The following FBXL20 variants were observed in gnomAD, a reference collection of about 807,000 sequenced individuals.
The protein encoded by FBXL20 is F-box and leucine rich repeat protein 20.
Under a neutral mutation model 64.0 loss-of-function variants are expected in FBXL20, and 11 were observed. The observed-to-expected ratio is 0.17, with a 90% confidence interval of 0.11 to 0.28. The LOEUF (loss-of-function observed/expected upper bound fraction) is 0.28. FBXL20 is among the 10% of genes least tolerant of loss of function. The pLI is 1.00. For missense variants in FBXL20, 303 were observed against 526.2 expected (o/e 0.58, Z 4.15); for synonymous variants, 184 against 189.0 (o/e 0.97, Z 0.22).
chr17:39,285,221 A>G (rs775266860), intron 7 of FBXL20, among the ~76,000 whole-genome samples: 2 of 152,138 alleles, frequency 1.3e-5, no homozygotes, highest in African/African-American at 2.4e-5. Context: ...CTTTTTGAAA[A>G]TAAGACTTCA....
intron 7 of FBXL20, among the ~76,000 whole-genome samples, chr17:39,284,523 G>T (rs1597774404): frequency 6.6e-6 from 1 of 152,132 alleles, no homozygotes; most frequent in Non-Finnish European, 1.5e-5. Context: ...TGGGACTACA[G>T]GGGTATGCCA....
intron 2 of FBXL20, among the ~76,000 whole-genome samples, chr17:39,337,588 C>T (rs2047537280): frequency 6.6e-6 from 1 of 151,844 alleles, no homozygotes; most frequent in South Asian, 2.1e-4. Context: ...AGCGCCTCTG[C>T]CCGGCCGCGA....
chr17:39,342,288 G>A (rs760662910), intron 2 of FBXL20, among the ~76,000 whole-genome samples: 10 of 151,988 alleles, frequency 6.6e-5, no homozygotes, highest in Non-Finnish European at 1.0e-4. Context: ...ACTGTAGGCC[G>A]GGTACAGTGG....
intron 1 of FBXL20, among the ~76,000 whole-genome samples, chr17:39,391,692 A>G (rs1459381439): frequency 6.6e-6 from 1 of 152,218 alleles, no homozygotes; most frequent in African/African-American, 2.4e-5. Context: ...TAACATCAAA[A>G]GATATAGATG....
chr17:39,350,302 C>T (rs996541055), intron 1 of FBXL20, among the ~76,000 whole-genome samples: 1 of 152,004 alleles, frequency 6.6e-6, no homozygotes, highest in Non-Finnish European at 1.5e-5. Context: ...ACCAGCTGAC[C>T]AACATGGAGA....
intron 2 of FBXL20, among the ~76,000 whole-genome samples, chr17:39,332,820 C>A (rs538401182): frequency 6.6e-6 from 1 of 152,216 alleles, no homozygotes; most frequent in African/African-American, 2.4e-5. Flanking sequence ...GGATTCCAGG[C>A]ATGAGCCACC....
In FBXL20 at chr17:39,258,934, T is replaced by C. The variant is rs2046720107; in HGVS notation, c.*2526A>G. The C allele has an allele frequency of 1.3e-5, 2 of 152,138 alleles. No homozygotes were observed. The highest frequency in any genetic ancestry group is 2.9e-5 in the Non-Finnish European group (2 of 68,032). 9.4% of individuals were successfully genotyped at this position (152,138 alleles called of 1,614,324 possible). Reference sequence around the variant, plus strand: ...ACTGAGTTTCATGTTAAAAACTATATTCCTTATAAGGTAATCTGAAAGAGA... The same window carrying C: ...ACTGAGTTTCATGTTAAAAACTATACTCCTTATAAGGTAATCTGAAAGAGA... On this transcript the variant is annotated 3_prime_UTR_variant, in exon 15 of 15. Coordinates refer to ENST00000264658, the MANE Select transcript of FBXL20 (RefSeq NM_032875.3).
intron 1 of FBXL20, among the ~76,000 whole-genome samples, chr17:39,359,554 G>A (rs1357787586): frequency 1.3e-5 from 2 of 151,910 alleles, no homozygotes; most frequent in African/African-American, 4.8e-5. Context: ...AGTGAGCCAA[G>A]ATCACGCAAC....
chr17:39,398,924 C>T (rs1294342591), intron 1 of FBXL20, among the ~76,000 whole-genome samples: 1 of 152,082 alleles, frequency 6.6e-6, no homozygotes, highest in Non-Finnish European at 1.5e-5. Flanking sequence ...CCACCCACCT[C>T]GGCCTCCCAA....
upstream of FBXL20, chr17:39,401,747 G>A (rs1597845198): frequency 1.9e-6 from 2 of 1,078,166 alleles, no homozygotes; most frequent in South Asian, 7.6e-5. Context: ...GAGGGGAGGA[G>A]CGCGGCGGCG....
intron 2 of FBXL20, among the ~76,000 whole-genome samples, chr17:39,306,174 G>A (rs1459605762): frequency 2.8e-5 from 4 of 145,114 alleles, no homozygotes; most frequent in East Asian, 2.0e-4. Context: ...TTTTTAAGAC[G>A]GAGTTTTGCT....
chr17:39,301,620 C>T (rs2031775929), intron 3 of FBXL20, among the ~76,000 whole-genome samples: 1 of 152,104 alleles, frequency 6.6e-6, no homozygotes, highest in Non-Finnish European at 1.5e-5. Context: ...CTCAGCTACT[C>T]AGGAAGCTAA....
chr17:39,371,534 C>T (rs1379455963), intron 1 of FBXL20, among the ~76,000 whole-genome samples: 1 of 152,150 alleles, frequency 6.6e-6, no homozygotes, highest in Non-Finnish European at 1.5e-5. Flanking sequence ...TGGCTCCTGA[C>T]TTCCATTTTC....
intron 7 of FBXL20, 45 bp downstream of exon 7, chr17:39,285,433 G>A: frequency 7.7e-7 from 1 of 1,295,318 alleles, no homozygotes; most frequent in Admixed American, 2.2e-5. Context: ...TTTAAAATAT[G>A]TATTTTTTTT....
At chr17:39,263,711 G>A (rs946763113) in intron 14 of FBXL20, among the ~76,000 whole-genome samples, 5 of 151,904 alleles carry the variant, frequency 3.3e-5, no homozygotes, top group African/African-American at 1.2e-4. Context: ...AGACAGAAAA[G>A]GTAAAAGTCT....
At chr17:39,331,735 T>C (rs1475766309) in intron 2 of FBXL20, among the ~76,000 whole-genome samples, 1 of 152,228 alleles carries the variant, frequency 6.6e-6, no homozygotes, top group Admixed American at 6.5e-5. Flanking sequence ...ACATCTAATG[T>C]CCCTCATAAA....
At chr17:39,284,427 C>G (rs1018666403) in intron 7 of FBXL20, among the ~76,000 whole-genome samples, 1 of 152,206 alleles carries the variant, frequency 6.6e-6, no homozygotes, top group African/African-American at 2.4e-5. Flanking sequence ...GTTGCCCAGC[C>G]TGGAGTGCAG....
chr17:39,327,868 C>A (rs1471626615), intron 2 of FBXL20, among the ~76,000 whole-genome samples: 1 of 151,902 alleles, frequency 6.6e-6, no homozygotes, highest in East Asian at 1.9e-4. Flanking sequence ...GCCCGGGTAA[C>A]CAAACATGTA....
chr17:39,357,210 T>G (rs537764141), intron 1 of FBXL20, among the ~76,000 whole-genome samples: 5 of 148,920 alleles, frequency 3.4e-5, no homozygotes, highest in South Asian at 2.1e-4. Context: ...GAGGAGGAGG[T>G]TGAAGTGAGC....
Sources: gnomAD v4.1 joint callset for allele counts (sites outside exome capture counted in the v4.1 genomes callset) on GRCh38, gnomAD v4.1.1 for gene constraint, MANE v1.5 for transcripts, NCBI Gene and HGNC (gene_info 2026-07-23, HGNC 2026-07-21) for gene names.